ARHGAP35: variants seen among roughly 807,000 people sequenced by gnomAD.
ARHGAP35 encodes the protein rho GTPase-activating protein 35.
ARHGAP35 carries 15 observed loss-of-function variants against 111.1 expected under a neutral mutation model. The ratio of observed to expected loss-of-function variants is 0.13; its 90% CI spans 0.09 to 0.21. The LOEUF (loss-of-function observed/expected upper bound fraction) is 0.21, where lower values mean the gene tolerates loss of function less well. Among genes scored for constraint, ARHGAP35 ranks in the 10% least tolerant of loss-of-function variants. ARHGAP35 has a pLI of 1.00. For missense variants in ARHGAP35, 1,262 were observed against 1,873.0 expected (o/e 0.67, Z 6.02); for synonymous variants, 643 against 710.3 (o/e 0.91, Z 1.51).
chr19:46,899,556 C>T (rs2056073826), intron 1 of ARHGAP35, among the ~76,000 whole-genome samples: 1 of 151,900 alleles, frequency 6.6e-6, no homozygotes, highest in South Asian at 2.1e-4. Flanking sequence ...ATTAGCCGGG[C>T]ATGGTAGCAC....
chr19:46,957,514 A>G (rs2056446981), intron 3 of ARHGAP35, among the ~76,000 whole-genome samples: 1 of 151,910 alleles, frequency 6.6e-6, no homozygotes, highest in Non-Finnish European at 1.5e-5. Flanking sequence ...TTGGGAGGCT[A>G]AGGTAGGAAG....
rs952270060 is a variant in ARHGAP35 at position 46,920,053 on chromosome 19, A to T, written c.1378A>T (p.Met460Leu). 1 of 1,613,558 alleles carries T rather than the reference A, an allele frequency of 6.2e-7. No individual in the cohort carries two copies. The highest frequency in any genetic ancestry group is 1.3e-5 in the African/African-American group (1 of 74,858). The change falls in exon 2 of 7, where the codon ATG becomes TTG. Residue 460 changes from methionine (M) to leucine (L), a missense_variant. Met to Leu is a conservative substitution (Grantham distance 15). Coordinates refer to ENST00000672722, the MANE Select transcript of ARHGAP35 (RefSeq NM_004491.5). The surrounding 1 kb of genome is among the most constrained non-coding windows in gnomAD (Gnocchi z 7.0). ...KPWEEARSFI[M>L]NEDFYQWLEE... ...TTGGGAAGAGGCCCGTAGTTTTATT[A>T]TGAATGAGGATTTCTACCAGTGGCT...
At chr19:46,898,735 T>C (rs2056069576) in intron 1 of ARHGAP35, among the ~76,000 whole-genome samples, 1 of 152,198 alleles carries the variant, frequency 6.6e-6, no homozygotes, top group South Asian at 2.1e-4. Flanking sequence ...ATGAGAAAGC[T>C]GCCTGTGGGC....
chr19:46,996,470 C>T (rs577133333), intron 5 of ARHGAP35, among the ~76,000 whole-genome samples: 1 of 109,680 alleles, frequency 9.1e-6, no homozygotes, highest in South Asian at 3.2e-4. Context: ...GAAGAAGAAA[C>T]AAAACCACCC....
chr19:46,921,670 G>C lies in ARHGAP35; in HGVS notation c.2995G>C (p.Asp999His). ...IEPSYSLFRE[D>H]TSLPSLSKDH... ...GCCATCTTACAGCCTGTTTCGAGAA[G>C]ACACATCACTGCCTTCTCTGTCCAA... Residue 999 changes from aspartate to histidine, a missense_variant, in exon 2 of 7, where the codon GAC (aspartate) becomes CAC (histidine). Asp to His is a moderately conservative substitution (Grantham distance 81, BLOSUM62 -1). This residue lies in a region of ARHGAP35 where 579 missense variants were observed against 716.9 expected (regional missense o/e 0.81). Coordinates refer to ENST00000672722, the MANE Select transcript of ARHGAP35 (RefSeq NM_004491.5). The surrounding 1 kb of genome is among the most constrained non-coding windows in gnomAD (Gnocchi z 4.3). The C allele has an allele frequency of 6.2e-7, 1 of 1,613,968 alleles. No homozygotes were observed. Among genetic ancestry groups the C allele is most frequent in the African/African-American group, 1.3e-5 (1 of 75,024 alleles).
intron 1 of ARHGAP35, among the ~76,000 whole-genome samples, chr19:46,898,569 C>T (rs372225682): frequency 3.2e-4 from 48 of 152,242 alleles, no homozygotes; most frequent in African/African-American, 1.1e-3. Context: ...TTTATTTCCT[C>T]ATTCTCTGTT....
intron 3 of ARHGAP35, among the ~76,000 whole-genome samples, chr19:46,964,732 C>A (rs779400902): frequency 3.3e-5 from 5 of 152,100 alleles, no homozygotes; most frequent in Non-Finnish European, 7.4e-5. Context: ...CTCATTGGAG[C>A]TTATGGAAGG....
intron 1 of ARHGAP35, among the ~76,000 whole-genome samples, chr19:46,912,206 G>A (rs1480588398): frequency 6.6e-6 from 1 of 151,758 alleles, no homozygotes; most frequent in Non-Finnish European, 1.5e-5. Flanking sequence ...ACCATGCCTG[G>A]CTAATTTTTG....
chr19:46,929,688 C>T (rs947218556), intron 2 of ARHGAP35, among the ~76,000 whole-genome samples: 1 of 143,920 alleles, frequency 6.9e-6, no homozygotes, highest in African/African-American at 2.6e-5. Context: ...CCGAGGTGGG[C>T]AGATCACTTG....
intron 1 of ARHGAP35, among the ~76,000 whole-genome samples, chr19:46,879,994 G>A (rs1276456291): frequency 6.6e-6 from 1 of 151,684 alleles, no homozygotes; most frequent in Non-Finnish European, 1.5e-5. Flanking sequence ...GTTGAGGCAT[G>A]AGAATTGCTT....
chr19:46,898,073 C>T (rs1028548393), intron 1 of ARHGAP35, among the ~76,000 whole-genome samples: 2 of 152,022 alleles, frequency 1.3e-5, no homozygotes, highest in Non-Finnish European at 2.9e-5. Flanking sequence ...GAAACCCTGT[C>T]TCTACTAAAA....
Position 47,000,558 on chromosome 19 carries a change from C to T in ARHGAP35, c.4370C>T (p.Ser1457Phe). Residue 1457 changes from serine to phenylalanine, a missense_variant, in exon 7 of 7, where the codon TCC (serine) becomes TTC (phenylalanine). By Grantham distance (155) the Ser-to-Phe change is radical (BLOSUM62 -2). Coordinates refer to ENST00000672722, the MANE Select transcript of ARHGAP35 (RefSeq NM_004491.5). This position sits in a 1 kb window ranked among gnomAD's most constrained non-coding sequence, Gnocchi z 6.9. ...ARPSSPSAVA[S>F]TVPFLTSTPV... Reference sequence around the variant, plus strand: ...CCCAGCTCCCCCTCTGCCGTGGCTTCCACCGTCCCCTTCCTCACTTCCACG... The same window carrying T: ...CCCAGCTCCCCCTCTGCCGTGGCTTTCACCGTCCCCTTCCTCACTTCCACG... 6.2e-7 allele frequency: 1 copy of T among 1,613,480 alleles called. No homozygotes were observed. The highest frequency in any genetic ancestry group is 8.5e-7 in the Non-Finnish European group (1 of 1,179,848).
At chr19:46,889,371 A>G (rs569686908) in intron 1 of ARHGAP35, among the ~76,000 whole-genome samples, 27 of 151,930 alleles carry the variant, frequency 1.8e-4, no homozygotes, top group African/African-American at 6.3e-4. Context: ...AGGCAGGAGA[A>G]TCCCTTGAAC....
chr19:46,880,863 A>T (rs547335459), intron 1 of ARHGAP35, among the ~76,000 whole-genome samples: 2 of 150,022 alleles, frequency 1.3e-5, no homozygotes, highest in Non-Finnish European at 3.0e-5. Flanking sequence ...TTTTTAAGAG[A>T]TGGAGTCTTA....
At chr19:46,886,708 C>T (rs1266344995) in intron 1 of ARHGAP35, among the ~76,000 whole-genome samples, 2 of 152,108 alleles carry the variant, frequency 1.3e-5, no homozygotes, top group Non-Finnish European at 2.9e-5. Flanking sequence ...AGAAGTATGA[C>T]TAATACTGGT....
At chr19:46,909,497 C>T (rs2056127425) in intron 1 of ARHGAP35, among the ~76,000 whole-genome samples, 2 of 152,050 alleles carry the variant, frequency 1.3e-5, no homozygotes, top group African/African-American at 2.4e-5. Flanking sequence ...CATGAGACGA[C>T]GTGTTTCAAG....
chr19:46,912,997 G>A (rs1489622480), intron 1 of ARHGAP35, among the ~76,000 whole-genome samples: 1 of 151,742 alleles, frequency 6.6e-6, no homozygotes, highest in Non-Finnish European at 1.5e-5. Context: ...TGAGATTAAG[G>A]AAAATTGTGA....
intron 3 of ARHGAP35, among the ~76,000 whole-genome samples, chr19:46,958,929 A>G (rs2056459217): frequency 6.6e-6 from 1 of 152,156 alleles, no homozygotes; most frequent in Admixed American, 6.5e-5. Context: ...GTTTTGTCAA[A>G]TAGGTGATAT....
At chr19:46,934,376 C>T (rs573668538) in intron 2 of ARHGAP35, among the ~76,000 whole-genome samples, 1 of 152,300 alleles carries the variant, frequency 6.6e-6, no homozygotes, top group East Asian at 1.9e-4. Context: ...CCACCCCGCC[C>T]CTCCTCCCGG....
Sources: gnomAD v4.1 joint callset for allele counts (sites outside exome capture counted in the v4.1 genomes callset) on GRCh38, gnomAD v4.1.1 for gene constraint, gnomAD v4.1.1 regional missense constraint, Gnocchi (gnomAD v3.1) non-coding constraint, MANE v1.5 for transcripts, NCBI Gene and HGNC (gene_info 2026-07-23, HGNC 2026-07-21) for gene names.